Variants in SGCD observed in about 807,000 individuals in gnomAD.
SGCD encodes sarcoglycan delta.
A neutral mutation model predicts 36.6 loss-of-function variants in SGCD; 18 were observed. The ratio of observed to expected loss-of-function variants is 0.49; its 90% CI spans 0.34 to 0.73. The LOEUF is 0.73. Among genes scored for constraint, SGCD ranks in the 30% least tolerant of loss-of-function variants. SGCD has a pLI of 0.01. For synonymous variants in SGCD, 133 were observed against 130.6 expected, an observed-to-expected ratio of 1.02 and a Z score of -0.12; for missense variants, 387 against 346.7, an observed-to-expected ratio of 1.12 and a Z score of -0.92.
At chr5:156,578,740 T>G (rs2113324019) in intron 4 of SGCD, among the ~76,000 whole-genome samples, 1 of 152,350 alleles carries the variant, frequency 6.6e-6, no homozygotes, top group Middle Eastern at 3.4e-3. Context: ...AGTTTGTATT[T>G]CTGTGGGATT....
chr5:156,008,677 A>G (rs1758799890), intron 1 of SGCD, among the ~76,000 whole-genome samples: 1 of 152,176 alleles, frequency 6.6e-6, no homozygotes, highest in Non-Finnish European at 1.5e-5. Context: ...TGCCCAGCCT[A>G]CATTGTCTTC....
intron 7 of SGCD, among the ~76,000 whole-genome samples, chr5:156,723,850 AGTGTGT>A (rs60939391): frequency 1.7e-3 from 248 of 150,088 alleles, no homozygotes; most frequent in South Asian, 0.012. Context: ...TTTTAAGCCA[AGTGTGT>A]GTGTGTGTGT....
chr5:156,506,557 A>G (rs773629217), intron 3 of SGCD, among the ~76,000 whole-genome samples: 2 of 152,148 alleles, frequency 1.3e-5, no homozygotes, highest in African/African-American at 4.8e-5. Flanking sequence ...ACCCTGTAAC[A>G]TCTCATAGAG....
chr5:156,679,205 T>C (rs1429746305), intron 7 of SGCD, among the ~76,000 whole-genome samples: 3 of 152,202 alleles, frequency 2.0e-5, no homozygotes, highest in African/African-American at 4.8e-5. Flanking sequence ...TCTAAGGACC[T>C]CCTTCTAGTT....
chr5:156,263,471 G>T (rs748344263), intron 3 of SGCD, among the ~76,000 whole-genome samples: 1 of 152,104 alleles, frequency 6.6e-6, no homozygotes, highest in African/African-American at 2.4e-5. Context: ...ATTTGTTTGA[G>T]TTCCTTGTAA....
At chr5:156,482,813 G>GGTTT (rs1755490840) in intron 3 of SGCD, among the ~76,000 whole-genome samples, 1 of 83,380 alleles carries the variant, frequency 1.2e-5, no homozygotes, top group Non-Finnish European at 2.1e-5. Context: ...CTTTTGGTCA[G>GGTTT]TTTTTTTTTT....
chr5:156,098,896 C>G (rs1761447887), intron 1 of SGCD, among the ~76,000 whole-genome samples: 1 of 152,218 alleles, frequency 6.6e-6, no homozygotes, highest in African/African-American at 2.4e-5. Context: ...GAAAGAGATG[C>G]CTCAAGTTCA....
At chr5:156,592,696 C>T (rs1171817059) in intron 5 of SGCD, among the ~76,000 whole-genome samples, 1 of 152,130 alleles carries the variant, frequency 6.6e-6, no homozygotes, top group Non-Finnish European at 1.5e-5. Context: ...TCCGCCTTGC[C>T]CCCATTTGTT....
chr5:156,457,281 C>T (rs1581022260), intron 3 of SGCD, among the ~76,000 whole-genome samples: 1 of 152,136 alleles, frequency 6.6e-6, no homozygotes, highest in Non-Finnish European at 1.5e-5. Context: ...TCTTGCTATG[C>T]CTTTGATCCT....
At chr5:155,755,837 A>G in the SGCD span, among the ~76,000 whole-genome samples, 1 of 152,276 alleles carries the variant, frequency 6.6e-6, no homozygotes, top group East Asian at 1.9e-4. Flanking sequence ...TGTTATGTGC[A>G]GGGTGTTAGA....
At chr5:156,264,921 T>C (rs1021561015) in intron 3 of SGCD, among the ~76,000 whole-genome samples, 1 of 152,116 alleles carries the variant, frequency 6.6e-6, no homozygotes, top group Non-Finnish European at 1.5e-5. Flanking sequence ...TTCCAAACTC[T>C]GCAGCTGGAA....
chr5:156,641,339 A>G lies in SGCD; in HGVS notation c.503-6125A>G, dbSNP rs568686797. Among the ~76,000 whole-genome samples the G allele has an allele frequency of 7.2e-5, 11 of 152,294 alleles. No individual in the cohort carries two copies. The South Asian group carries it at 8.3e-4, about 11-fold the overall frequency. On this transcript the variant is annotated intron_variant, in intron 6 of 8. Transcript: ENST00000337851. ...GCCTGGACTTACAGAGACAAAAACT[A>G]TATCTCACATATGTTGGAAATCTTT...
intron 3 of SGCD, among the ~76,000 whole-genome samples, chr5:156,271,130 A>C (rs1041305237): frequency 6.6e-6 from 1 of 152,228 alleles, no homozygotes; most frequent in Admixed American, 6.5e-5. Context: ...GTAAACAACT[A>C]TTCTTAGGAA....
chr5:156,727,297 G>A (rs981918372), intron 7 of SGCD, among the ~76,000 whole-genome samples: 7 of 152,290 alleles, frequency 4.6e-5, no homozygotes, highest in Middle Eastern at 3.4e-3. Context: ...GGAGGATGAG[G>A]AACTCAAACT....
At chr5:156,713,353 G>C (rs1314166324) in intron 7 of SGCD, among the ~76,000 whole-genome samples, 2 of 151,322 alleles carry the variant, frequency 1.3e-5, no homozygotes, top group East Asian at 3.9e-4. Context: ...GGGCTAAGAT[G>C]ACTGAAGTTT....
At chr5:156,072,146 G>A (rs971504576) in intron 1 of SGCD, among the ~76,000 whole-genome samples, 6 of 150,530 alleles carry the variant, frequency 4.0e-5, no homozygotes, top group Admixed American at 6.6e-5. Context: ...AGTTAATATT[G>A]TTATGTGTGA....
rs113123048 is a variant in SGCD at position 155,995,348 on chromosome 5, G to A, written c.-281-122530G>A. 4.0e-3 allele frequency among the ~76,000 whole-genome samples: 614 copies of A among 152,118 alleles called. 1 individual carries two copies. Among genetic ancestry groups the A allele is most frequent in the African/African-American group, 0.014 (580 of 41,504 alleles). ...ATATTTTTGAGATTTATAACATGTA[G>A]ATATAAAATATATAACAATAGCAAA... On this transcript the variant is annotated intron_variant, in intron 1 of 9. Coordinates refer to the SGCD transcript ENST00000517913.
chr5:156,560,859 T>C (rs1759239129), intron 4 of SGCD, among the ~76,000 whole-genome samples: 1 of 152,158 alleles, frequency 6.6e-6, no homozygotes, highest in Non-Finnish European at 1.5e-5. Context: ...TGATCTTCAG[T>C]TTTCTCACCC....
At chr5:155,965,190 A>G (rs995370654) in intron 1 of SGCD, among the ~76,000 whole-genome samples, 1 of 152,150 alleles carries the variant, frequency 6.6e-6, no homozygotes, top group African/African-American at 2.4e-5. Flanking sequence ...TAATTTCTGT[A>G]TACCTGATGT....
Sources: allele counts gnomAD v4.1 joint callset (sites outside exome capture counted in the v4.1 genomes callset), GRCh38; gene constraint gnomAD v4.1.1; transcripts MANE v1.5; gene names NCBI Gene and HGNC (gene_info 2026-07-23, HGNC 2026-07-21).